Variants in SCGB2B2 observed in about 807,000 individuals in gnomAD.
SCGB2B2 encodes secretoglobin-like protein.
Under a neutral mutation model 7.6 loss-of-function variants are expected in SCGB2B2, and 11 were observed. The observed-to-expected ratio is 1.45, with a 90% CI of 0.91 to 2.40. The LOEUF (loss-of-function observed/expected upper bound fraction) is 2.40, where lower values mean the gene tolerates loss of function less well. Among genes scored for constraint, SCGB2B2 ranks in the 30% most tolerant of loss-of-function variants. The probability of loss-of-function intolerance (pLI) is 0.00; values close to 1 mark genes in which losing one functional copy is unlikely to be tolerated. For missense variants in SCGB2B2, 104 were observed against 115.4 expected (o/e 0.90, Z 0.45); for synonymous variants, 50 against 48.6 (o/e 1.03, Z -0.12).
At chr19:34,657,745 C>T (rs1288809830) in intron 1 of SCGB2B2, among the ~76,000 whole-genome samples, 1 of 150,494 alleles carries the variant, frequency 6.6e-6, no homozygotes, top group Non-Finnish European at 1.5e-5. Flanking sequence ...ACCAAGCGGA[C>T]CTAATAGACA....
intron 3 of SCGB2B2, 105 bp downstream of exon 3, chr19:34,594,070 T>G: frequency 1.1e-6 from 1 of 950,858 alleles, no homozygotes; most frequent in Non-Finnish European, 1.6e-6. Flanking sequence ...GGGATGTGGC[T>G]TCCTGCTTAA....
intron 1 of SCGB2B2, among the ~76,000 whole-genome samples, chr19:34,666,250 G>C (rs2067617742): frequency 6.6e-6 from 1 of 151,956 alleles, no homozygotes; most frequent in South Asian, 2.1e-4. Context: ...CAGCCACAAG[G>C]CCGGTCCCAG....
chr19:34,604,647 T>C (rs1291342597), intron 1 of SCGB2B2, among the ~76,000 whole-genome samples: 1 of 152,256 alleles, frequency 6.6e-6, no homozygotes, highest in African/African-American at 2.4e-5. Flanking sequence ...TATTGATTTT[T>C]ATGAAAATTG....
intron 1 of SCGB2B2, among the ~76,000 whole-genome samples, chr19:34,619,683 T>C (rs944329696): frequency 6.6e-6 from 1 of 152,142 alleles, no homozygotes; most frequent in African/African-American, 2.4e-5. Context: ...AAAGACTGAT[T>C]CCCTAAGCCA....
intron 1 of SCGB2B2, among the ~76,000 whole-genome samples, chr19:34,611,120 T>C (rs1263536699): frequency 6.6e-6 from 1 of 152,214 alleles, no homozygotes; most frequent in Non-Finnish European, 1.5e-5. Flanking sequence ...TAGTTATTTG[T>C]AGCAGTCTCT....
chr19:34,585,858 G>C (rs2065181237), downstream of SCGB2B2, among the ~76,000 whole-genome samples: 1 of 152,194 alleles, frequency 6.6e-6, no homozygotes, highest in Non-Finnish European at 1.5e-5. Flanking sequence ...CATAGTGATG[G>C]TATCTGCAGA....
chr19:34,631,305 G>GT (rs1306625388), intron 1 of SCGB2B2, among the ~76,000 whole-genome samples: 1,373 of 131,370 alleles, frequency 0.01, 22 homozygotes, highest in African/African-American at 0.036. Context: ...AACATTATGA[G>GT]TTTTTTTTTT....
At chr19:34,628,438 C>T (rs2066438426) in intron 1 of SCGB2B2, among the ~76,000 whole-genome samples, 4 of 151,890 alleles carry the variant, frequency 2.6e-5, no homozygotes, top group African/African-American at 9.7e-5. Flanking sequence ...AAGGAGACAT[C>T]ACCACCGATC....
At chr19:34,633,153 G>A (rs1030391371) in intron 1 of SCGB2B2, among the ~76,000 whole-genome samples, 1 of 152,150 alleles carries the variant, frequency 6.6e-6, no homozygotes, top group Non-Finnish European at 1.5e-5. Flanking sequence ...GGCCCTCTGT[G>A]GCACGATGCC....
rs534054654 is a variant in SCGB2B2 at position 34,636,300 on chromosome 19, C to T, written c.-2032+39330G>A. Among the ~76,000 whole-genome samples the T allele has an allele frequency of 3.5e-4, 54 of 152,266 alleles. 1 individual carries two copies. In the South Asian group the frequency reaches 9.1e-3, roughly 26 times the overall value. ...GACTCTTGGGGGGCTACGGGGGTTACAGGTGACAAAGAGTCTACTGTGCTA... is the reference window on the plus strand; with the variant it reads ...GACTCTTGGGGGGCTACGGGGGTTATAGGTGACAAAGAGTCTACTGTGCTA... On this transcript the variant is annotated intron_variant, in intron 1 of 3. Coordinates refer to ENST00000601241, the MANE Select transcript of SCGB2B2 (RefSeq NM_001025591.4).
At chr19:34,611,367 G>C (rs1203907185) in intron 1 of SCGB2B2, among the ~76,000 whole-genome samples, 1 of 151,870 alleles carries the variant, frequency 6.6e-6, no homozygotes, top group African/African-American at 2.4e-5. Context: ...TTTTGGGTTT[G>C]ATTTGTATTT....
intron 1 of SCGB2B2, among the ~76,000 whole-genome samples, chr19:34,662,322 C>T (rs1294958944): frequency 6.6e-6 from 1 of 152,118 alleles, no homozygotes; most frequent in Non-Finnish European, 1.5e-5. Context: ...TTCTTACCCA[C>T]ACTTCACGTA....
chr19:34,631,155 C>G (rs966258208), intron 1 of SCGB2B2, among the ~76,000 whole-genome samples: 1 of 151,616 alleles, frequency 6.6e-6, no homozygotes, highest in Non-Finnish European at 1.5e-5. Context: ...AGTAGATATA[C>G]CTAATGTTAA....
chr19:34,649,334 C>A lies in SCGB2B2; in HGVS notation c.-2032+26296G>T, dbSNP rs141527204. ...GAGAAATCCTTTGACTTCCACGTGC[C>A]CATCTCAAGACATTCCACTCACAGA... On this transcript the variant is annotated intron_variant, in intron 1 of 3. Coordinates refer to ENST00000601241, the MANE Select transcript of SCGB2B2 (RefSeq NM_001025591.4). Among the ~76,000 whole-genome samples the A allele has an allele frequency of 3.2e-3, 487 of 152,230 alleles. 2 individuals carry two copies. Among genetic ancestry groups the A allele is most frequent in the African/African-American group, 0.011 (460 of 41,524 alleles).
chr19:34,657,206 A>G (rs1248841042), intron 1 of SCGB2B2, among the ~76,000 whole-genome samples: 2 of 151,412 alleles, frequency 1.3e-5, no homozygotes, highest in Non-Finnish European at 2.9e-5. Flanking sequence ...GAATAAATCA[A>G]TTAATACATG....
intron 1 of SCGB2B2, among the ~76,000 whole-genome samples, chr19:34,657,607 C>T (rs1449761438): frequency 6.6e-6 from 1 of 152,112 alleles, no homozygotes; most frequent in Non-Finnish European, 1.5e-5. Flanking sequence ...AAAGCAAGTC[C>T]TTAGAGACCT....
At chr19:34,594,442 G>A (rs1047001732) in intron 2 of SCGB2B2, 61 bp downstream of exon 2, 98 of 1,599,178 alleles carry the variant, frequency 6.1e-5, no homozygotes, top group Non-Finnish European at 8.1e-5. Flanking sequence ...CCTTGGGATG[G>A]TGATGAGAGT....
chr19:34,660,399 A>G (rs527861332), intron 1 of SCGB2B2, among the ~76,000 whole-genome samples: 1 of 152,358 alleles, frequency 6.6e-6, no homozygotes, highest in South Asian at 2.1e-4. Context: ...ACAAAGGGCT[A>G]ATATCCAGAA....
Position 34,665,965 on chromosome 19 carries a change from G to A in SCGB2B2, c.-2032+9665C>T, listed in dbSNP as rs942338153. Among the ~76,000 whole-genome samples, 13 of 152,050 alleles carry A rather than the reference G, an allele frequency of 8.5e-5. No homozygotes were observed. In the East Asian group the frequency reaches 1.3e-3, roughly 16 times the overall value. ...GAAGGAAGGAAGATGGAGGGAGGGCGGCCCTCTGCTCCCAGGTCCTCTGTT... is the reference window on the plus strand; with the variant it reads ...GAAGGAAGGAAGATGGAGGGAGGGCAGCCCTCTGCTCCCAGGTCCTCTGTT... On this transcript the variant is annotated intron_variant, in intron 1 of 3. Transcript: ENST00000601241.
Sources: gnomAD v4.1 joint callset for allele counts (sites outside exome capture counted in the v4.1 genomes callset) on GRCh38, gnomAD v4.1.1 for gene constraint, MANE v1.5 for transcripts, NCBI Gene and HGNC (gene_info 2026-07-23, HGNC 2026-07-21) for gene names.